The following PPP1R21 variants were observed in gnomAD, a reference collection of about 807,000 sequenced individuals.
PPP1R21 encodes the protein protein phosphatase 1 regulatory subunit 21, also known as KLRAQ motif containing 1.
Under a neutral mutation model 112.8 loss-of-function variants are expected in PPP1R21, and 85 were observed. That is an observed-to-expected ratio of 0.75 (90% CI 0.63 to 0.90). PPP1R21 has a LOEUF of 0.90. Ranked by LOEUF, PPP1R21 falls within the 40% of genes least tolerant of loss-of-function variation. The probability of loss-of-function intolerance (pLI) is 0.00; values close to 1 mark genes in which losing one functional copy is unlikely to be tolerated. For synonymous variants in PPP1R21, 381 were observed against 322.3 expected, an observed-to-expected ratio of 1.18 and a Z score of -1.95; for missense variants, 1,199 against 901.5, an observed-to-expected ratio of 1.33 and a Z score of -4.23.
In PPP1R21 at chr2:48,498,507, G is replaced by A. The variant is rs1306050583; in HGVS notation, c.1707G>A (p.Leu569=). 2 of 1,613,854 alleles carry A rather than the reference G, an allele frequency of 1.2e-6. No homozygotes were observed. Among genetic ancestry groups the A allele is most frequent in the African/African-American group, 1.3e-5 (1 of 74,906 alleles). ...TACTTTTCAAGGTTCAACAGAGTTT[G>A]GAAAAGATTTCTAAACTGGAGCAGG... The part of the protein sequence containing the change: ...EGLAQQVQQS[L]EKISKLEQEK... The change falls in exon 17 of 22, where the codon TTG becomes TTA. Residue 569 remains leucine (L), a synonymous_variant. Coordinates refer to ENST00000294952, the MANE Select transcript of PPP1R21 (RefSeq NM_001135629.3).
chr2:48,471,247 C>T, intron 10 of PPP1R21, 32 bp from the exon 11 acceptor site: 1 of 1,609,042 alleles, frequency 6.2e-7, no homozygotes, highest in Non-Finnish European at 8.5e-7. Flanking sequence ...TCCAGTAGCA[C>T]TTTTAACCTT....
intron 1 of PPP1R21, among the ~76,000 whole-genome samples, chr2:48,448,631 A>T (rs1385516915): frequency 6.8e-6 from 1 of 147,688 alleles, no homozygotes; most frequent in Non-Finnish European, 1.5e-5. Flanking sequence ...CTAAAGACTG[A>T]AGCAGTATTG....
At chr2:48,493,515 T>C (rs1251752516) in intron 15 of PPP1R21, among the ~76,000 whole-genome samples, 4 of 152,182 alleles carry the variant, frequency 2.6e-5, no homozygotes, top group Non-Finnish European at 4.4e-5. Context: ...GGTAGAAACA[T>C]TCACGTGTAT....
chr2:48,484,291 G>A (rs764150270), intron 13 of PPP1R21, among the ~76,000 whole-genome samples: 1 of 152,098 alleles, frequency 6.6e-6, no homozygotes, highest in Non-Finnish European at 1.5e-5. Context: ...TCAGCATTTG[G>A]GGGTCGTGTT....
chr2:48,492,673 T>C (rs1669624521), intron 15 of PPP1R21, among the ~76,000 whole-genome samples: 1 of 152,198 alleles, frequency 6.6e-6, no homozygotes, highest in Admixed American at 6.5e-5. Flanking sequence ...GTTTTAATAG[T>C]AGTTGCTAGT....
At chr2:48,509,752 G>C (rs1335462672) in intron 19 of PPP1R21, among the ~76,000 whole-genome samples, 2 of 152,072 alleles carry the variant, frequency 1.3e-5, no homozygotes, top group Admixed American at 6.6e-5. Context: ...TATAACCACT[G>C]GTCATCAGGC....
chr2:48,469,567 C>CATAT (rs58651401), intron 9 of PPP1R21, among the ~76,000 whole-genome samples: 11,409 of 86,828 alleles, frequency 0.13, 1,697 homozygotes, highest in Middle Eastern at 0.25. Flanking sequence ...AGAGAGAGAG[C>CATAT]ATATATATAT....
intron 20 of PPP1R21, 92 bp from the exon 21 acceptor site, chr2:48,511,248 C>T: frequency 4.0e-6 from 5 of 1,246,228 alleles, no homozygotes; most frequent in East Asian, 2.4e-5. Context: ...CTATAATTTC[C>T]CTACTCCACA....
At chr2:48,498,447 T>G (rs1258267561) in intron 16 of PPP1R21, 46 bp from the exon 17 acceptor site, 7 of 1,602,062 alleles carry the variant, frequency 4.4e-6, no homozygotes, top group Non-Finnish European at 6.0e-6. Context: ...CCACTAAGGT[T>G]TATCTGTATT....
At chr2:48,471,245 C>T in intron 10 of PPP1R21, 34 bp from the exon 11 acceptor site, 2 of 1,606,896 alleles carry the variant, frequency 1.2e-6, no homozygotes, top group Non-Finnish European at 1.7e-6. Context: ...TGTCCAGTAG[C>T]ACTTTTAACC....
intron 21 of PPP1R21, among the ~76,000 whole-genome samples, chr2:48,513,960 CTT>C (rs1159786377): frequency 6.6e-6 from 1 of 151,742 alleles, no homozygotes; most frequent in Non-Finnish European, 1.5e-5. Flanking sequence ...TCCAAGCTGA[CTT>C]TTGACAGATA....
chr2:48,470,643 G>C (rs947205773), intron 9 of PPP1R21, among the ~76,000 whole-genome samples: 1 of 151,786 alleles, frequency 6.6e-6, no homozygotes, highest in African/African-American at 2.4e-5. Flanking sequence ...TTTAAAAATT[G>C]GGTATATAAC....
intron 9 of PPP1R21, among the ~76,000 whole-genome samples, chr2:48,467,349 A>G (rs1054157294): frequency 6.6e-6 from 1 of 152,262 alleles, no homozygotes; most frequent in Non-Finnish European, 1.5e-5. Flanking sequence ...GATAAAATAA[A>G]TGTTGTGAGT....
chr2:48,500,438 A>C (rs1252058813), intron 17 of PPP1R21, among the ~76,000 whole-genome samples: 1 of 152,206 alleles, frequency 6.6e-6, no homozygotes, highest in East Asian at 1.9e-4. Context: ...TTTCATAATA[A>C]AATATAGAAG....
At chr2:48,459,636 A>G (rs945960174) in intron 4 of PPP1R21, 118 bp from the exon 5 acceptor site, 10 of 1,093,282 alleles carry the variant, frequency 9.1e-6, no homozygotes, top group Non-Finnish European at 1.3e-5. Context: ...GTGTGGGTTT[A>G]ACATAGTCAG....
chr2:48,483,342 G>A (rs1034409011), intron 13 of PPP1R21, among the ~76,000 whole-genome samples: 4 of 151,340 alleles, frequency 2.6e-5, no homozygotes, highest in East Asian at 1.9e-4. Flanking sequence ...TCACCATGCC[G>A]GCTAATTTTT....
At chr2:48,482,401 C>G (rs1442476771) in intron 13 of PPP1R21, among the ~76,000 whole-genome samples, 1 of 152,074 alleles carries the variant, frequency 6.6e-6, no homozygotes, top group Non-Finnish European at 1.5e-5. Flanking sequence ...ACTGCAACCT[C>G]CCAGACCCAG....
chr2:48,507,507 A>C, intron 19 of PPP1R21, 122 bp downstream of exon 19: 2 of 1,429,816 alleles, frequency 1.4e-6, no homozygotes, highest in Non-Finnish European at 1.8e-6. Flanking sequence ...AGCTGGGACT[A>C]TGGGTGTGTA....
In PPP1R21 at chr2:48,452,431, G is replaced by T. The variant is rs575690610; in HGVS notation, c.126+1355G>T. 8.1e-4 allele frequency among the ~76,000 whole-genome samples: 124 copies of T among 152,156 alleles called. 1 individual carries two copies. Among genetic ancestry groups the T allele is most frequent in the African/African-American group, 2.9e-3 (121 of 41,520 alleles). On this transcript the variant is annotated intron_variant, in intron 2 of 21. Coordinates refer to ENST00000294952, the MANE Select transcript of PPP1R21 (RefSeq NM_001135629.3). The stretch of plus-strand genomic sequence containing the variant: ...TACAGAAACTGGAGTTTAGCGAAAG[G>T]CTGGGATAGATGTTTTCTGAAATTA...
Sources: gnomAD v4.1 joint callset for allele counts (sites outside exome capture counted in the v4.1 genomes callset) on GRCh38, gnomAD v4.1.1 for gene constraint, MANE v1.5 for transcripts, NCBI Gene and HGNC (gene_info 2026-07-23, HGNC 2026-07-21) for gene names.